ZC3H12C: variants seen among roughly 807,000 people sequenced by gnomAD.
ZC3H12C encodes zinc finger CCCH-type containing 12C, also known as probable ribonuclease ZC3H12C.
A neutral mutation model predicts 76.3 loss-of-function variants in ZC3H12C; 20 were observed. The observed-to-expected ratio is 0.26, with a 90% confidence interval of 0.18 to 0.38. The LOEUF (loss-of-function observed/expected upper bound fraction) is 0.38, where lower values mean the gene tolerates loss of function less well. ZC3H12C is among the 10% of genes least tolerant of loss of function. The probability of loss-of-function intolerance (pLI) is 1.00; values close to 1 mark genes in which losing one functional copy is unlikely to be tolerated. For missense variants in ZC3H12C, 874 were observed against 1,086.5 expected (o/e 0.80, Z 2.75); for synonymous variants, 352 against 399.6 (o/e 0.88, Z 1.42).
chr11:110,117,756 TATAC>T (rs1426564014), intron 1 of ZC3H12C, among the ~76,000 whole-genome samples: 1 of 104,042 alleles, frequency 9.6e-6, no homozygotes, highest in African/African-American at 3.3e-5. Flanking sequence ...ATATATTATA[TATAC>T]ACACACACAT....
At chr11:110,114,305 C>A (rs1861486524) in intron 1 of ZC3H12C, among the ~76,000 whole-genome samples, 1 of 152,172 alleles carries the variant, frequency 6.6e-6, no homozygotes, top group Non-Finnish European at 1.5e-5. Context: ...TCATTGTATA[C>A]TCAGTTTATA....
rs1862657506 is a variant in ZC3H12C at position 110,170,484 on chromosome 11, C to T, written c.*4747C>T. 1 of 152,082 alleles carries T rather than the reference C, an allele frequency of 6.6e-6. No homozygotes were observed. The highest frequency in any genetic ancestry group is 2.4e-5 in the African/African-American group (1 of 41,410). The allele number at this position is 152,082 out of a possible 1,614,324, so 9.4% of individuals were successfully genotyped here. On this transcript the variant is annotated 3_prime_UTR_variant, in exon 6 of 6. Coordinates refer to ENST00000278590, the MANE Select transcript of ZC3H12C (RefSeq NM_033390.2). ...TATATTGTAATTTCACATGCTATAGCTTTATTCTGTAAGATTAAAAATTGT... is the reference window on the plus strand; with the variant it reads ...TATATTGTAATTTCACATGCTATAGTTTTATTCTGTAAGATTAAAAATTGT...
Position 110,137,389 on chromosome 11 carries a change from A to G in ZC3H12C, c.748A>G (p.Ile250Val). 6.2e-7 allele frequency: 1 copy of G among 1,608,610 alleles called. No individual in the cohort carries two copies. The highest frequency in any genetic ancestry group is 8.5e-7 in the Non-Finnish European group (1 of 1,177,942). Residue 250 changes from isoleucine (I) to valine (V), a missense_variant, in exon 2 of 6, where the codon ATT becomes GTT. Physicochemically the swap from Ile to Val is conservative, Grantham distance 29 (BLOSUM62 3). Transcript: ENST00000278590. ...DDGENLRPIV[I>V]DGSNVAMSHG... is the part of the protein sequence containing the mutation. ...TGGTGAAAATCTGAGACCAATAGTT[A>G]TTGATGGCAGCAATGTGGCAATGAG...
At chr11:110,149,879 A>G (rs183440241) in intron 2 of ZC3H12C, among the ~76,000 whole-genome samples, 228 of 152,190 alleles carry the variant, frequency 1.5e-3, no homozygotes, top group African/African-American at 5.3e-3. Flanking sequence ...ATGTGCTCCA[A>G]TATGTCTATT....
chr11:110,132,274 T>G (rs1292551030), intron 1 of ZC3H12C, among the ~76,000 whole-genome samples: 4 of 152,190 alleles, frequency 2.6e-5, no homozygotes, highest in Non-Finnish European at 4.4e-5. Flanking sequence ...TTATCCAAGT[T>G]AACTAATGAG....
chr11:110,144,865 C>T (rs958447491), intron 2 of ZC3H12C, among the ~76,000 whole-genome samples: 1 of 152,112 alleles, frequency 6.6e-6, no homozygotes, highest in Admixed American at 6.5e-5. Flanking sequence ...TTTTCAATTA[C>T]TCCCCGTGTC....
intron 1 of ZC3H12C, among the ~76,000 whole-genome samples, chr11:110,108,722 T>A (rs1336755479): frequency 4.6e-5 from 7 of 152,250 alleles, no homozygotes. Flanking sequence ...TCTTGTACAC[T>A]GCTGTCTTGT....
chr11:110,149,517 AC>A (rs1862231624), intron 2 of ZC3H12C, among the ~76,000 whole-genome samples: 1 of 152,134 alleles, frequency 6.6e-6, no homozygotes, highest in Non-Finnish European at 1.5e-5. Context: ...TTACACTCCC[AC>A]CTGTGATGTA....
At chr11:110,142,425 T>C (rs1862082744) in intron 2 of ZC3H12C, among the ~76,000 whole-genome samples, 1 of 152,218 alleles carries the variant, frequency 6.6e-6, no homozygotes, top group African/African-American at 2.4e-5. Context: ...AAAAAGTGAT[T>C]AGAGTCCATG....
rs993666825 is a variant in ZC3H12C, at chr11:110,169,945, T to C, written c.*4208T>C. The C allele has an allele frequency of 5.9e-5, 9 of 152,330 alleles. No individual in the cohort carries two copies. The highest frequency in any genetic ancestry group is 2.2e-4 in the African/African-American group (9 of 41,580). The allele number at this position is 152,330 out of a possible 1,614,324, so 9.4% of individuals were successfully genotyped here. A position where few individuals can be genotyped will look rare whatever the true frequency, so the allele number is the denominator to read the frequency against. The stretch of plus-strand genomic sequence containing the variant: ...GTGTGGCTGTGTTCCAATAAAACTT[T>C]ATTTACAGAAACGGGAAGCCGGTCA... On this transcript the variant is annotated 3_prime_UTR_variant, in exon 6 of 6. Transcript: ENST00000278590.
rs560797230 is a variant in ZC3H12C, at chr11:110,155,318, G to A, written c.913+2260G>A. Among the ~76,000 whole-genome samples the A allele has an allele frequency of 2.6e-3, 394 of 151,810 alleles. 3 individuals are homozygous for A. Among genetic ancestry groups the A allele is most frequent in the African/African-American group, 7.8e-3 (322 of 41,434 alleles). Reference sequence around the variant, plus strand: ...CATCTCAAAAAAAAAAAAAAATAGCGGAAAGTAAAAAACTGATAGCATTCA... The same window carrying A: ...CATCTCAAAAAAAAAAAAAAATAGCAGAAAGTAAAAAACTGATAGCATTCA... On this transcript the variant is annotated intron_variant, in intron 3 of 5. Transcript: ENST00000278590.
rs144716822 is a variant in ZC3H12C at position 110,158,971 on chromosome 11, G to T, written c.914-285G>T. Among the ~76,000 whole-genome samples the T allele has an allele frequency of 9.8e-5, 15 of 152,294 alleles. No individual in the cohort carries two copies. In the East Asian group the frequency reaches 2.9e-3, roughly 29 times the overall value. On this transcript the variant is annotated intron_variant, in intron 3 of 5. Transcript: ENST00000278590. ...GTCGTGTGATGACTCCAGCTCTTAAGCAAAAGCTTCACATAATGACAGTCA... is the reference window on the plus strand; with the variant it reads ...GTCGTGTGATGACTCCAGCTCTTAATCAAAAGCTTCACATAATGACAGTCA...
chr11:110,143,443 G>T (rs943858043), intron 2 of ZC3H12C, among the ~76,000 whole-genome samples: 7 of 151,138 alleles, frequency 4.6e-5, no homozygotes, highest in Non-Finnish European at 1.0e-4. Flanking sequence ...TAAAATATGA[G>T]AAAAAAATAA....
intron 1 of ZC3H12C, among the ~76,000 whole-genome samples, chr11:110,117,557 A>C (rs953187771): frequency 1.3e-4 from 19 of 150,668 alleles, no homozygotes; most frequent in Admixed American, 9.3e-4. Context: ...TAGCTCATTA[A>C]ATTTCAAACA....
At chr11:110,132,646 C>T (rs551957293) in intron 1 of ZC3H12C, among the ~76,000 whole-genome samples, 91 of 152,110 alleles carry the variant, frequency 6.0e-4, no homozygotes, top group African/African-American at 2.2e-3. Flanking sequence ...TACAGTGGAG[C>T]CCTGATAATA....
chr11:110,122,079 TAAA>T (rs1239737806), intron 1 of ZC3H12C, among the ~76,000 whole-genome samples: 1 of 152,180 alleles, frequency 6.6e-6, no homozygotes, highest in Non-Finnish European at 1.5e-5. Flanking sequence ...ATTTAACACT[TAAA>T]GAAGAACAAG....
At chr11:110,143,477 G>C (rs1020533463) in intron 2 of ZC3H12C, among the ~76,000 whole-genome samples, 2 of 151,640 alleles carry the variant, frequency 1.3e-5, no homozygotes, top group African/African-American at 4.8e-5. Context: ...AATATTTGAA[G>C]AGTACCTGGA....
At chr11:110,163,044 T>A (rs1174026141) in intron 4 of ZC3H12C, among the ~76,000 whole-genome samples, 1 of 152,224 alleles carries the variant, frequency 6.6e-6, no homozygotes, top group Non-Finnish European at 1.5e-5. Flanking sequence ...ACTCAAAACT[T>A]ACTTGAATTA....
intron 1 of ZC3H12C, chr11:110,130,958 T>C (rs1861854023): frequency 7.0e-7 from 1 of 1,425,694 alleles, no homozygotes. Context: ...TTCCACTCGG[T>C]AATAGGTTAA....
Sources: allele counts gnomAD v4.1 joint callset (sites outside exome capture counted in the v4.1 genomes callset), GRCh38; gene constraint gnomAD v4.1.1; transcripts MANE v1.5; gene names NCBI Gene and HGNC (gene_info 2026-07-23, HGNC 2026-07-21).